DPYD: variants seen among roughly 807,000 people sequenced by gnomAD.
DPYD encodes dihydropyrimidine dehydrogenase, also known as dihydropyrimidine dehydrogenase [NADP(+)].
Under a neutral mutation model 116.2 loss-of-function variants are expected in DPYD, and 109 were observed. The observed-to-expected ratio is 0.94, with a 90% CI of 0.80 to 1.10. The LOEUF (loss-of-function observed/expected upper bound fraction) is 1.10, where lower values mean the gene tolerates loss of function less well. DPYD is among the 50% of genes least tolerant of loss of function. DPYD has a pLI of 0.00. For synonymous variants in DPYD, 440 were observed against 432.0 expected, an observed-to-expected ratio of 1.02 and a Z score of -0.23; for missense variants, 1,302 against 1,254.5, an observed-to-expected ratio of 1.04 and a Z score of -0.57.
chr1:97,643,163 G>T (rs1424213397), intron 8 of DPYD, among the ~76,000 whole-genome samples: 2 of 151,920 alleles, frequency 1.3e-5, no homozygotes, highest in South Asian at 2.1e-4. Flanking sequence ...CAGAATAGGA[G>T]AATTTTTTTG....
intron 13 of DPYD, among the ~76,000 whole-genome samples, chr1:97,472,068 A>C (rs2101854807): frequency 6.6e-6 from 1 of 152,290 alleles, no homozygotes; most frequent in Middle Eastern, 3.4e-3. Flanking sequence ...GTCATACAAA[A>C]AATCTATTTT....
intron 16 of DPYD, among the ~76,000 whole-genome samples, chr1:97,340,022 C>A (rs894315476): frequency 6.6e-6 from 1 of 151,890 alleles, no homozygotes; most frequent in African/African-American, 2.4e-5. Flanking sequence ...ATATACTAAG[C>A]GAGAAATATT....
At chr1:97,273,749 A>C (rs1433415317) in intron 18 of DPYD, among the ~76,000 whole-genome samples, 1 of 152,204 alleles carries the variant, frequency 6.6e-6, no homozygotes, top group African/African-American at 2.4e-5. Context: ...ATGAGTTCAC[A>C]CATATTAAAA....
At chr1:97,404,380 G>C (rs1673532814) in intron 14 of DPYD, among the ~76,000 whole-genome samples, 1 of 152,102 alleles carries the variant, frequency 6.6e-6, no homozygotes. Flanking sequence ...TTCTGACAGA[G>C]AAGTGTTGTA....
chr1:97,350,715 T>C (rs1338150377), intron 16 of DPYD, among the ~76,000 whole-genome samples: 1 of 152,196 alleles, frequency 6.6e-6, no homozygotes, highest in Non-Finnish European at 1.5e-5. Context: ...CTGACATAGT[T>C]GTTCAGGGTT....
chr1:97,482,182 A>G (rs1434609814), intron 13 of DPYD, among the ~76,000 whole-genome samples: 1 of 152,198 alleles, frequency 6.6e-6, no homozygotes, highest in South Asian at 2.1e-4. Context: ...ATAAAGACTT[A>G]CTGTCAATCA....
At chr1:97,679,042 A>T in intron 8 of DPYD, 53 bp downstream of exon 8, 1 of 869,328 alleles carries the variant, frequency 1.2e-6, no homozygotes, top group South Asian at 2.3e-5. Flanking sequence ...GGATATTGCT[A>T]GGAAATAAAA....
At chr1:97,774,627 G>A in intron 3 of DPYD, 1 of 157,388 alleles carries the variant, frequency 6.4e-6, no homozygotes. Flanking sequence ...GCATGCAAAG[G>A]CCATGCCCAA....
intron 12 of DPYD, among the ~76,000 whole-genome samples, chr1:97,530,204 CTTTTTT>C (rs60749588): frequency 1.5e-5 from 2 of 135,908 alleles, no homozygotes; most frequent in Non-Finnish European, 3.1e-5. Flanking sequence ...ATCAGAATTT[CTTTTTT>C]TTTCTTTTTT....
chr1:97,281,410 A>G (rs191660452), intron 18 of DPYD, among the ~76,000 whole-genome samples: 1 of 151,954 alleles, frequency 6.6e-6, no homozygotes, highest in African/African-American at 2.4e-5. Flanking sequence ...GAAAATATAT[A>G]AATATATATA....
intron 10 of DPYD, among the ~76,000 whole-genome samples, chr1:97,581,326 CAAAAA>C (rs1161399547): frequency 0.03 from 2,023 of 66,382 alleles, 34 homozygotes; most frequent in African/African-American, 0.13. Flanking sequence ...GACTCAGTCT[CAAAAA>C]AAAAAAAAAA....
At chr1:97,188,388 A>G (rs6693034) in intron 20 of DPYD, among the ~76,000 whole-genome samples, 109,010 of 152,046 alleles carry the variant, frequency 0.72, 40,334 homozygotes, top group East Asian at 0.99. Flanking sequence ...TTATACATTG[A>G]CTTTCTTTTT....
chr1:97,840,432 T>A (rs1669983200), intron 2 of DPYD, among the ~76,000 whole-genome samples: 1 of 152,102 alleles, frequency 6.6e-6, no homozygotes. Flanking sequence ...TCTGAATAAC[T>A]GGTTGAAAAT....
At chr1:97,390,797 C>T (rs1288356237) in intron 14 of DPYD, among the ~76,000 whole-genome samples, 1 of 151,944 alleles carries the variant, frequency 6.6e-6, no homozygotes, top group Non-Finnish European at 1.5e-5. Flanking sequence ...CACTGTACCA[C>T]TCTAGGAGCT....
intron 14 of DPYD, among the ~76,000 whole-genome samples, chr1:97,444,648 C>T (rs1675975413): frequency 6.6e-6 from 1 of 151,982 alleles, no homozygotes; most frequent in Non-Finnish European, 1.5e-5. Context: ...CATATATATT[C>T]ATTGTATCCA....
chr1:97,169,521 A>C (rs1656567037), intron 20 of DPYD, among the ~76,000 whole-genome samples: 1 of 76,674 alleles, frequency 1.3e-5, no homozygotes, highest in East Asian at 9.5e-4. Flanking sequence ...ATATTGGGTT[A>C]ATTTTTATTT....
At chr1:97,658,413 G>C (rs1659062925) in intron 8 of DPYD, among the ~76,000 whole-genome samples, 1 of 152,088 alleles carries the variant, frequency 6.6e-6, no homozygotes, top group Non-Finnish European at 1.5e-5. Flanking sequence ...ATAATGGTTA[G>C]ATTTGATTAT....
At chr1:97,208,164 C>G (rs533322009) in intron 19 of DPYD, among the ~76,000 whole-genome samples, 1 of 151,426 alleles carries the variant, frequency 6.6e-6, no homozygotes, top group Non-Finnish European at 1.5e-5. Context: ...TTTCTTTTTT[C>G]TTTTCTTTTC....
intron 13 of DPYD, among the ~76,000 whole-genome samples, chr1:97,490,619 G>GA (rs1371457874): frequency 6.6e-6 from 1 of 150,580 alleles, no homozygotes; most frequent in Non-Finnish European, 1.5e-5. Flanking sequence ...AGAAAGAAAA[G>GA]AAAAAATAGA....
Sources: gnomAD v4.1 joint callset for allele counts (sites outside exome capture counted in the v4.1 genomes callset) on GRCh38, gnomAD v4.1.1 for gene constraint, MANE v1.5 for transcripts, NCBI Gene and HGNC (gene_info 2026-07-23, HGNC 2026-07-21) for gene names.